The following CYB5RL variants were observed in gnomAD, a reference collection of about 807,000 sequenced individuals.
CYB5RL encodes NADH-cytochrome b5 reductase-like.
In CYB5RL, 38 loss-of-function variants were observed where a neutral mutation model predicts 37.5. The observed-to-expected ratio is 1.01, with a 90% CI of 0.78 to 1.33. The LOEUF (loss-of-function observed/expected upper bound fraction) is 1.33, where lower values mean the gene tolerates loss of function less well. Ranked by LOEUF, CYB5RL falls within the 40% of genes most tolerant of loss-of-function variation. CYB5RL has a pLI of 0.00. For synonymous variants in CYB5RL, 141 were observed against 151.9 expected (o/e 0.93, Z 0.53); for missense variants, 388 against 394.4 (o/e 0.98, Z 0.14).
At chr1:54,181,835 C>T (rs186862977) in intron 6 of CYB5RL, among the ~76,000 whole-genome samples, 117 of 152,300 alleles carry the variant, frequency 7.7e-4, no homozygotes, top group Non-Finnish European at 1.4e-3. Context: ...CGCCTGTAGT[C>T]CCAGCTACTT....
intron 5 of CYB5RL, 145 bp downstream of exon 5, chr1:54,187,507 A>G: frequency 1.4e-6 from 1 of 731,454 alleles, no homozygotes; most frequent in Non-Finnish European, 2.3e-6. Context: ...CTTCTGTTCC[A>G]GGACAAAGGA....
chr1:54,195,542 A>C lies in CYB5RL; in HGVS notation c.75T>G (p.Pro25=), dbSNP rs1276632367. The C allele has an allele frequency of 6.2e-7, 1 of 1,613,692 alleles. No individual in the cohort carries two copies. The highest frequency in any genetic ancestry group is 1.3e-5 in the African/African-American group (1 of 74,924). ...AGCAGCCACTGCCGCAGCACTGGGA[A>C]GGCAAGGGTTCTGTGGGCCGTAGCT... The part of the protein sequence containing the change: ...WMQLRPTEPL[P]SQCCGSGCSP... The change falls in exon 3 of 8, where the codon CCT becomes CCG. Residue 25 remains proline, a synonymous_variant. Coordinates refer to ENST00000534324, the MANE Select transcript of CYB5RL (RefSeq NM_001031672.4).
intron 1 of CYB5RL, among the ~76,000 whole-genome samples, chr1:54,197,002 T>A (rs933175514): frequency 1.4e-4 from 21 of 152,096 alleles, no homozygotes; most frequent in African/African-American, 5.1e-4. Context: ...AGAAGGGACA[T>A]CCAACCCCTC....
chr1:54,190,968 C>T, intron 3 of CYB5RL, 72 bp from the exon 4 acceptor site: 2 of 1,543,698 alleles, frequency 1.3e-6, no homozygotes, highest in Non-Finnish European at 1.7e-6. Context: ...AGCATCCTTC[C>T]CACTGTCCCC....
chr1:54,179,409 C>T (rs1660104082), intron 6 of CYB5RL, 57 bp from the exon 7 acceptor site: 7 of 1,543,044 alleles, frequency 4.5e-6, no homozygotes, highest in East Asian at 2.3e-5. Flanking sequence ...CACCTTATCC[C>T]CTCTACTATG....
chr1:54,177,322 C>T (rs1660045325), intron 7 of CYB5RL, among the ~76,000 whole-genome samples: 2 of 152,150 alleles, frequency 1.3e-5, no homozygotes, highest in South Asian at 4.1e-4. Context: ...ACCAGTCACC[C>T]CCTTCACCTG....
intron 7 of CYB5RL, among the ~76,000 whole-genome samples, chr1:54,178,168 G>T (rs1660069020): frequency 6.6e-6 from 1 of 152,206 alleles, no homozygotes; most frequent in Non-Finnish European, 1.5e-5. Context: ...CAGCCCCTGG[G>T]GAGCCCAGGG....
In CYB5RL at chr1:54,179,327, G is replaced by A. The variant is rs201303501; in HGVS notation, c.566C>T (p.Ala189Val). 48 of 1,613,228 alleles carry A rather than the reference G, an allele frequency of 3.0e-5. 1 individual carries two copies. In the Middle Eastern group the frequency reaches 5.1e-4, roughly 17 times the overall value. Residue 189 changes from alanine to valine, a missense_variant, in exon 7 of 8, where the codon GCG (alanine) becomes GTG (valine). By Grantham distance (64) the Ala-to-Val change is moderately conservative. Coordinates refer to ENST00000534324, the MANE Select transcript of CYB5RL (RefSeq NM_001031672.4). ...NQYGELLLLA[A>V]GTGLAPMVPI... ...CACCATGGGGGCCAGGCCCGTGCCC[G>A]CAGCCAGCAAGAGGAGCTCACCATA...
chr1:54,171,663 G>C lies in CYB5RL; in HGVS notation c.*2956C>G. The C allele has an allele frequency of 2.9e-6, 1 of 350,110 alleles. No individual in the cohort carries two copies. Among genetic ancestry groups the C allele is most frequent in the Non-Finnish European group, 5.7e-6 (1 of 176,938 alleles). 21.7% of individuals were successfully genotyped at this position (350,110 alleles called of 1,614,324 possible). On this transcript the variant is annotated 3_prime_UTR_variant, in exon 8 of 8. Coordinates refer to ENST00000534324, the MANE Select transcript of CYB5RL (RefSeq NM_001031672.4). The stretch of plus-strand genomic sequence containing the variant: ...ACACCTGGTTGACCTCTTGATGCCT[G>C]CGTATCATGTCTAGCTCCTAAGTCT...
chr1:54,177,422 T>G (rs1417205992), intron 7 of CYB5RL, among the ~76,000 whole-genome samples: 1 of 152,136 alleles, frequency 6.6e-6, no homozygotes, highest in Non-Finnish European at 1.5e-5. Flanking sequence ...CTATTGCTGG[T>G]GAACTTTAAC....
At chr1:54,194,347 G>C (rs1193107257) in intron 3 of CYB5RL, among the ~76,000 whole-genome samples, 2 of 151,594 alleles carry the variant, frequency 1.3e-5, no homozygotes, top group African/African-American at 4.9e-5. Context: ...CCCAGCCTGG[G>C]CAACAAGAGC....
chr1:54,179,608 G>C (rs545738020), intron 6 of CYB5RL, among the ~76,000 whole-genome samples: 2 of 152,178 alleles, frequency 1.3e-5, no homozygotes, highest in Non-Finnish European at 2.9e-5. Context: ...TCCTGTAAGT[G>C]GCCTGGTTGC....
rs199620217 is a variant in CYB5RL, at chr1:54,197,312, C to CTTTTTTTT, written c.-222-822_-222-821insAAAAAAAA. Among the ~76,000 whole-genome samples the CTTTTTTTT allele has an allele frequency of 1.2e-3, 154 of 130,328 alleles. 1 individual carries two copies. The highest frequency in any genetic ancestry group is 2.1e-3 in the South Asian group (8 of 3,822). 85.5% of individuals were successfully genotyped at this position (130,328 alleles called of 152,430 possible). On this transcript the variant is annotated intron_variant, in intron 1 of 7. Transcript: ENST00000534324. ...TCATAAACACTTTTCTTTTTCTTTTCTTTTCTTTTTTTTTTTTTTTTGAGA... is the reference window on the plus strand; with the variant it reads ...TCATAAACACTTTTCTTTTTCTTTTCTTTTTTTTTTTTCTTTTTTTTTTTTTTTTGAGA...
At chr1:54,194,340 A>C (rs1643985933) in intron 3 of CYB5RL, among the ~76,000 whole-genome samples, 1 of 152,070 alleles carries the variant, frequency 6.6e-6, no homozygotes, top group Non-Finnish European at 1.5e-5. Context: ...ACTGCACCCC[A>C]GCCTGGGCAA....
Position 54,190,800 on chromosome 1 carries a change from G to C in CYB5RL, c.295C>G (p.Leu99Val). 1 of 1,575,710 alleles carries C rather than the reference G, an allele frequency of 6.3e-7. No homozygotes were observed. The highest frequency in any genetic ancestry group is 1.2e-5 in the South Asian group (1 of 85,704). ...TKDTYRVRFALPGNSQLGLRP... is the reference protein window; with the variant it reads ...TKDTYRVRFAVPGNSQLGLRP... Reference sequence around the variant, plus strand: ...AGGCCAAGCTGGCTGTTCCCGGGTAGAGCAAACCGGACACGGTAGGTGTCC... The same window carrying C: ...AGGCCAAGCTGGCTGTTCCCGGGTACAGCAAACCGGACACGGTAGGTGTCC... The change falls in exon 4 of 8, where the codon CTA becomes GTA. Residue 99 changes from leucine to valine, a missense_variant. Physicochemically the swap from Leu to Val is conservative, Grantham distance 32. Coordinates refer to ENST00000534324, the MANE Select transcript of CYB5RL (RefSeq NM_001031672.4).
intron 3 of CYB5RL, among the ~76,000 whole-genome samples, chr1:54,193,660 C>T (rs1432154104): frequency 6.6e-6 from 1 of 152,016 alleles, no homozygotes; most frequent in Non-Finnish European, 1.5e-5. Flanking sequence ...TATTGCAAGA[C>T]CCCATCTCTA....
chr1:54,178,106 C>T (rs979177990), intron 7 of CYB5RL, among the ~76,000 whole-genome samples: 4 of 152,220 alleles, frequency 2.6e-5, no homozygotes, highest in East Asian at 3.8e-4. Flanking sequence ...GTTCACCACG[C>T]TCTCATGTCA....
At chr1:54,197,921 G>A (rs1051387307) in intron 1 of CYB5RL, among the ~76,000 whole-genome samples, 14 of 151,284 alleles carry the variant, frequency 9.3e-5, no homozygotes, top group East Asian at 2.0e-4. Context: ...CCAGCTACTC[G>A]GGAGGCTGAG....
chr1:54,180,786 A>G (rs1660141429), intron 6 of CYB5RL, among the ~76,000 whole-genome samples: 1 of 151,548 alleles, frequency 6.6e-6, no homozygotes, highest in African/African-American at 2.4e-5. Context: ...CCTCACTGGT[A>G]AAAAAAAGAA....
Sources: allele counts gnomAD v4.1 joint callset (sites outside exome capture counted in the v4.1 genomes callset), GRCh38; gene constraint gnomAD v4.1.1; transcripts MANE v1.5; gene names NCBI Gene and HGNC (gene_info 2026-07-23, HGNC 2026-07-21).